The following BPHL variants were observed in gnomAD, a reference collection of about 807,000 sequenced individuals.
BPHL encodes the protein biphenyl hydrolase like, also known as serine hydrolase BPHL.
BPHL carries 27 observed loss-of-function variants against 31.2 expected under a neutral mutation model. The ratio of observed to expected loss-of-function variants is 0.87; its 90% CI spans 0.64 to 1.19. BPHL has a LOEUF of 1.19. Among genes scored for constraint, BPHL ranks in the 50% most tolerant of loss-of-function variants. The pLI, the probability that BPHL is intolerant of heterozygous loss-of-function variation, is 0.00. For missense variants in BPHL, 356 were observed against 375.7 expected (o/e 0.95, Z 0.43); for synonymous variants, 150 against 146.8 (o/e 1.02, Z -0.16).
chr6:3,131,457 A>C (rs188840340), intron 4 of BPHL, among the ~76,000 whole-genome samples: 1 of 152,168 alleles, frequency 6.6e-6, no homozygotes, highest in African/African-American at 2.4e-5. Context: ...CTGTTGTTAC[A>C]TAATACCCCT....
At chr6:3,147,186 A>G (rs554979117) in intron 6 of BPHL, among the ~76,000 whole-genome samples, 129 of 152,166 alleles carry the variant, frequency 8.5e-4, no homozygotes, top group Non-Finnish European at 1.3e-3. Context: ...ACCAGAGCCT[A>G]GGAGGTGGAG....
At chr6:3,146,450 CG>C (rs1330075688) in intron 6 of BPHL, among the ~76,000 whole-genome samples, 3 of 52,988 alleles carry the variant, frequency 5.7e-5, no homozygotes, top group African/African-American at 1.7e-4. Context: ...TGGTTTGGGT[CG>C]GAGTGCTGGT....
At chr6:3,132,076 A>C (rs1033553061) in intron 4 of BPHL, among the ~76,000 whole-genome samples, 3 of 152,102 alleles carry the variant, frequency 2.0e-5, no homozygotes, top group African/African-American at 7.2e-5. Flanking sequence ...TCAGTAGCGC[A>C]GCACTCTTTA....
chr6:3,137,365 T>TTG lies in BPHL; in HGVS notation c.536_537insTG (p.Arg180AlafsTer15). ...CGCCTACACTTCTGTTTTTCAGGCA[T>TTG]CCGAGATGTTTCCAAATGGAGTGAG... On this transcript the variant is annotated frameshift_variant, in exon 5 of 7. Coordinates refer to ENST00000380379, the MANE Select transcript of BPHL (RefSeq NM_004332.4). LOFTEE classifies it high-confidence loss of function. 6.2e-7 allele frequency: 1 copy of TTG among 1,612,404 alleles called. No homozygotes were observed.
At chr6:3,146,534 T>TC (rs1561801328) in intron 6 of BPHL, among the ~76,000 whole-genome samples, 6 of 13,338 alleles carry the variant, frequency 4.5e-4, no homozygotes, top group African/African-American at 6.8e-4. Context: ...GAGTGCTGGT[T>TC]TGGGTCGAGT....
At position 3,118,750 on chromosome 6, in the gene BPHL, G is replaced by A; in HGVS notation, c.10G>A (p.Val4Met). The A allele has an allele frequency of 7.9e-7, 1 of 1,261,412 alleles. No homozygotes were observed. The allele number at this position is 1,261,412 out of a possible 1,614,324, so 78.1% of individuals were successfully genotyped here. A position where few individuals can be genotyped will look rare whatever the true frequency, so the allele number is the denominator to read the frequency against. The part of the protein sequence containing the change: MVA[V>M]LGGRGVLRLR... ...TACGCGACCTGTGACCATGGTGGCTGTGCTGGGCGGCCGGGGCGTGTTGCG... is the reference window on the plus strand; with the variant it reads ...TACGCGACCTGTGACCATGGTGGCTATGCTGGGCGGCCGGGGCGTGTTGCG... Residue 4 changes from valine to methionine, a missense_variant, in exon 1 of 7, where the codon GTG becomes ATG. Physicochemically the swap from Val to Met is conservative, Grantham distance 21. Transcript: ENST00000380379.
intron 6 of BPHL, among the ~76,000 whole-genome samples, chr6:3,142,300 G>A (rs1304475377): frequency 6.6e-6 from 1 of 151,962 alleles, no homozygotes; most frequent in Non-Finnish European, 1.5e-5. Flanking sequence ...TGCATTTTTA[G>A]TAGAGACGGG....
intron 4 of BPHL, among the ~76,000 whole-genome samples, chr6:3,132,366 C>T (rs1452867605): frequency 1.3e-5 from 2 of 152,192 alleles, no homozygotes; most frequent in African/African-American, 4.8e-5. Context: ...TGTTCCCTGG[C>T]TGACACGTGC....
intron 2 of BPHL, chr6:3,127,023 G>T: frequency 2.9e-6 from 1 of 348,820 alleles, no homozygotes; most frequent in East Asian, 4.4e-5. Flanking sequence ...CGCCCGCCTC[G>T]GCCTCCCAAA....
intron 6 of BPHL, among the ~76,000 whole-genome samples, chr6:3,142,314 TCA>T (rs940657085): frequency 5.7e-4 from 87 of 152,276 alleles, no homozygotes; most frequent in African/African-American, 1.9e-3. Flanking sequence ...AGACGGGGTT[TCA>T]CTGTGTTAGC....
intron 1 of BPHL, among the ~76,000 whole-genome samples, chr6:3,122,804 A>G (rs1761612806): frequency 6.6e-6 from 1 of 152,204 alleles, no homozygotes; most frequent in Non-Finnish European, 1.5e-5. Context: ...GGCACTGTTG[A>G]CTATGGCCCT....
chr6:3,124,710 T>G (rs2113747394), intron 2 of BPHL, among the ~76,000 whole-genome samples: 1 of 152,214 alleles, frequency 6.6e-6, no homozygotes, highest in East Asian at 1.9e-4. Flanking sequence ...AACCACCCAT[T>G]TTTTTCCCGA....
chr6:3,144,225 G>A (rs575388932), intron 6 of BPHL, among the ~76,000 whole-genome samples: 11 of 151,840 alleles, frequency 7.2e-5, no homozygotes, highest in Admixed American at 1.3e-4. Flanking sequence ...CCACCACCAC[G>A]CCCGGCTAAT....
rs1001349944 is a variant in BPHL at position 3,149,775 on chromosome 6, G to A, written c.789-2713G>A. Among the ~76,000 whole-genome samples, 2 of 152,064 alleles carry A rather than the reference G, an allele frequency of 1.3e-5. No homozygotes were observed. Among genetic ancestry groups the A allele is most frequent in the African/African-American group, 2.4e-5 (1 of 41,376 alleles). On this transcript the variant is annotated intron_variant, in intron 6 of 6. Transcript: ENST00000380379. The surrounding 1 kb of genome is among the most constrained non-coding windows in gnomAD (Gnocchi z 4.6). ...CTCCCGAGTAGCTGGGATTATAGGCGCGCATCACCACGCCGGCTAATTTTT... is the reference window on the plus strand; with the variant it reads ...CTCCCGAGTAGCTGGGATTATAGGCACGCATCACCACGCCGGCTAATTTTT...
chr6:3,143,070 T>G (rs1224476558), intron 6 of BPHL, among the ~76,000 whole-genome samples: 2 of 152,000 alleles, frequency 1.3e-5, no homozygotes, highest in African/African-American at 4.8e-5. Context: ...AATACAAAAA[T>G]TAGCCAGACA....
chr6:3,129,306 G>T, intron 4 of BPHL, 108 bp downstream of exon 4: 2 of 1,332,076 alleles, frequency 1.5e-6, no homozygotes, highest in Non-Finnish European at 2.0e-6. Flanking sequence ...CGTGCTTCTA[G>T]TTCTCAACTC....
Position 3,152,677 on chromosome 6 carries a change from A to G in BPHL, c.*102A>G. 3.0e-6 allele frequency: 3 copies of G among 1,001,178 alleles called. No individual in the cohort carries two copies. The highest frequency in any genetic ancestry group is 4.5e-6 in the Non-Finnish European group (3 of 668,938). The allele number at this position is 1,001,178 out of a possible 1,614,324, so 62.0% of individuals were successfully genotyped here. A position where few individuals can be genotyped will look rare whatever the true frequency, so the allele number is the denominator to read the frequency against. On this transcript the variant is annotated 3_prime_UTR_variant, in exon 7 of 7. Transcript: ENST00000380379. ...AAACTCTCCGCCTTTGAAACTTTCT[A>G]CCCCTCCCTTCAATCTTATCCTAAC... is the stretch of plus-strand genomic sequence containing the variant.
chr6:3,133,611 C>T (rs1476485522), intron 4 of BPHL, among the ~76,000 whole-genome samples: 2 of 152,086 alleles, frequency 1.3e-5, no homozygotes, highest in African/African-American at 2.4e-5. Flanking sequence ...AGGTGGCGGG[C>T]TCCTGCCTCC....
At chr6:3,121,779 T>G (rs1475178380) in intron 1 of BPHL, among the ~76,000 whole-genome samples, 1 of 152,214 alleles carries the variant, frequency 6.6e-6, no homozygotes, top group Non-Finnish European at 1.5e-5. Flanking sequence ...AGTCAGACCT[T>G]ATTACTACCC....
Sources: allele counts gnomAD v4.1 joint callset (sites outside exome capture counted in the v4.1 genomes callset), GRCh38; gene constraint gnomAD v4.1.1; non-coding constraint Gnocchi (gnomAD v3.1); transcripts MANE v1.5; gene names NCBI Gene and HGNC (gene_info 2026-07-23, HGNC 2026-07-21).